The following PHACTR1 variants were observed in gnomAD, a reference collection of about 807,000 sequenced individuals.
PHACTR1 encodes the protein phosphatase and actin regulator 1.
PHACTR1 carries 16 observed loss-of-function variants against 69.2 expected under a neutral mutation model. The ratio of observed to expected loss-of-function variants is 0.23; its 90% CI spans 0.16 to 0.35. The LOEUF (loss-of-function observed/expected upper bound fraction) is 0.35. PHACTR1 is among the 10% of genes least tolerant of loss of function. The pLI, the probability that PHACTR1 is intolerant of heterozygous loss-of-function variation, is 1.00. For synonymous variants in PHACTR1, 312 were observed against 284.5 expected (o/e 1.10, Z -0.97); for missense variants, 510 against 734.7 (o/e 0.69, Z 3.54).
intron 5 of PHACTR1, among the ~76,000 whole-genome samples, chr6:13,131,208 T>TACACATACACACACAC (rs67522119): frequency 3.3e-4 from 48 of 146,456 alleles, no homozygotes; most frequent in African/African-American, 1.2e-3. Flanking sequence ...TATATACACA[T>TACACATACACACACAC]ACACACACAC....
chr6:12,804,946 G>T (rs1178789530), intron 4 of PHACTR1, among the ~76,000 whole-genome samples: 3 of 152,108 alleles, frequency 2.0e-5, no homozygotes, highest in Non-Finnish European at 2.9e-5. Flanking sequence ...TTGTATACTA[G>T]TGATTACCAC....
chr6:13,243,654 A>ATCTCT (rs1334622077), intron 10 of PHACTR1, among the ~76,000 whole-genome samples: 2 of 152,128 alleles, frequency 1.3e-5, no homozygotes, highest in Non-Finnish European at 2.9e-5. Context: ...AATTCCATAT[A>ATCTCT]GTGGGGGTTT....
intron 4 of PHACTR1, among the ~76,000 whole-genome samples, chr6:12,783,531 A>G (rs935100494): frequency 6.6e-6 from 1 of 152,138 alleles, no homozygotes; most frequent in Non-Finnish European, 1.5e-5. Flanking sequence ...AATGGGCTTC[A>G]CCTATTCATG....
chr6:13,211,173 G>A (rs184895419), intron 8 of PHACTR1, among the ~76,000 whole-genome samples: 7 of 151,848 alleles, frequency 4.6e-5, no homozygotes, highest in South Asian at 2.1e-4. Flanking sequence ...TGGTTACATG[G>A]ATAAGTTCTT....
At chr6:12,928,244 C>T (rs1788480916) in intron 4 of PHACTR1, among the ~76,000 whole-genome samples, 1 of 152,162 alleles carries the variant, frequency 6.6e-6, no homozygotes, top group African/African-American at 2.4e-5. Context: ...CTTCAAACAA[C>T]CATGGGAGAA....
intron 4 of PHACTR1, among the ~76,000 whole-genome samples, chr6:12,855,736 C>A (rs989578540): frequency 6.6e-6 from 1 of 152,012 alleles, no homozygotes; most frequent in Non-Finnish European, 1.5e-5. Flanking sequence ...AAGCCCAAAC[C>A]TCAGCATAAA....
chr6:12,965,240 C>T (rs551379639), intron 4 of PHACTR1, among the ~76,000 whole-genome samples: 1 of 152,292 alleles, frequency 6.6e-6, no homozygotes, highest in East Asian at 1.9e-4. Context: ...AGTCAATCCT[C>T]ATTTTTCTTG....
intron 4 of PHACTR1, among the ~76,000 whole-genome samples, chr6:12,826,934 G>A (rs552666874): frequency 2.8e-4 from 43 of 152,266 alleles, no homozygotes; most frequent in South Asian, 1.7e-3. Context: ...CTTAAGAATT[G>A]AATGCTAAGA....
chr6:12,850,413 C>A (rs1213667310), intron 4 of PHACTR1, among the ~76,000 whole-genome samples: 1 of 152,252 alleles, frequency 6.6e-6, no homozygotes, highest in Non-Finnish European at 1.5e-5. Context: ...CAACTTTGCA[C>A]ACAAGATGAA....
At chr6:12,822,483 C>T (rs1447423474) in intron 4 of PHACTR1, among the ~76,000 whole-genome samples, 1 of 152,202 alleles carries the variant, frequency 6.6e-6, no homozygotes, top group Non-Finnish European at 1.5e-5. Flanking sequence ...CCAAGCCCTC[C>T]ATGAGACAGA....
At chr6:12,878,981 G>A (rs922973695) in intron 4 of PHACTR1, among the ~76,000 whole-genome samples, 1 of 152,114 alleles carries the variant, frequency 6.6e-6, no homozygotes, top group Non-Finnish European at 1.5e-5. Flanking sequence ...TTTATCAACA[G>A]CATTGAAAAG....
At chr6:13,182,155 C>T (rs1443659353) in intron 6 of PHACTR1, among the ~76,000 whole-genome samples, 6 of 152,114 alleles carry the variant, frequency 3.9e-5, no homozygotes, top group African/African-American at 1.4e-4. Flanking sequence ...ATCGCTTGAA[C>T]CCGGGAGGCG....
chr6:13,116,637 C>T (rs1817864513), intron 5 of PHACTR1, among the ~76,000 whole-genome samples: 1 of 152,030 alleles, frequency 6.6e-6, no homozygotes, highest in South Asian at 2.1e-4. Context: ...GAGGTATGCC[C>T]TTTTAAATAA....
chr6:12,985,730 T>C (rs1483046060), intron 4 of PHACTR1, among the ~76,000 whole-genome samples: 1 of 151,782 alleles, frequency 6.6e-6, no homozygotes, highest in Non-Finnish European at 1.5e-5. Context: ...GAAATAGAAG[T>C]AACAAAATCA....
rs1489625566 is a variant in PHACTR1, at chr6:12,959,481, C to CTTTGTTTAGTGT, written c.251-93882_251-93881insTGTTTAGTGTTT. Among the ~76,000 whole-genome samples the CTTTGTTTAGTGT allele has an allele frequency of 2.6e-5, 4 of 152,254 alleles. No individual in the cohort carries two copies. The East Asian group carries it at 7.7e-4, about 29-fold the overall frequency. On this transcript the variant is annotated intron_variant, in intron 4 of 14. Transcript: ENST00000332995. The stretch of plus-strand genomic sequence containing the variant: ...ACAAAGTTTTTCACTAAAGCCCACA[C>CTTTGTTTAGTGT]TTGAAATGTAGATGCTATAGTATTA...
intron 4 of PHACTR1, among the ~76,000 whole-genome samples, chr6:12,749,999 G>A (rs561375625): frequency 6.6e-6 from 1 of 152,278 alleles, no homozygotes; most frequent in Admixed American, 6.5e-5. Context: ...ACATCCGCCC[G>A]AGTCCCACGC....
intron 4 of PHACTR1, among the ~76,000 whole-genome samples, chr6:12,896,496 C>T (rs943673212): frequency 3.3e-5 from 5 of 152,112 alleles, no homozygotes; most frequent in Non-Finnish European, 5.9e-5. Context: ...TGAGCATGCC[C>T]GGATCACGGA....
At chr6:13,021,362 C>T (rs1277328052) in intron 4 of PHACTR1, among the ~76,000 whole-genome samples, 12 of 152,180 alleles carry the variant, frequency 7.9e-5, no homozygotes, top group African/African-American at 2.9e-4. Flanking sequence ...AATTTCATTG[C>T]TTTTTATGGC....
At chr6:13,207,546 A>G (rs1766122196) in intron 8 of PHACTR1, among the ~76,000 whole-genome samples, 1 of 152,058 alleles carries the variant, frequency 6.6e-6, no homozygotes, top group Non-Finnish European at 1.5e-5. Context: ...GATCTCTCAA[A>G]CTGGTTCTCA....
Sources: allele counts gnomAD v4.1 joint callset (sites outside exome capture counted in the v4.1 genomes callset), GRCh38; gene constraint gnomAD v4.1.1; transcripts MANE v1.5; gene names NCBI Gene and HGNC (gene_info 2026-07-23, HGNC 2026-07-21).